TESK2: variants seen among roughly 807,000 people sequenced by gnomAD.
The protein encoded by TESK2 is testis associated actin remodelling kinase 2, also known as dual specificity testis-specific protein kinase 2.
In TESK2, 39 loss-of-function variants were observed where a neutral mutation model predicts 57.1. The ratio of observed to expected loss-of-function variants is 0.68; its 90% CI spans 0.53 to 0.89. The LOEUF (loss-of-function observed/expected upper bound fraction) is 0.89. Among genes scored for constraint, TESK2 ranks in the 40% least tolerant of loss-of-function variants. TESK2 has a pLI of 0.00. For missense variants in TESK2, 646 were observed against 732.1 expected, an observed-to-expected ratio of 0.88 and a Z score of 1.36; for synonymous variants, 249 against 267.9, an observed-to-expected ratio of 0.93 and a Z score of 0.69.
chr1:45,418,147 T>C (rs1375368628), intron 3 of TESK2, among the ~76,000 whole-genome samples: 1 of 152,236 alleles, frequency 6.6e-6, no homozygotes, highest in Non-Finnish European at 1.5e-5. Flanking sequence ...TTATTTTCTT[T>C]TTCTTACTAA....
chr1:45,388,075 T>C (rs1033707415), intron 3 of TESK2, among the ~76,000 whole-genome samples: 4 of 152,208 alleles, frequency 2.6e-5, no homozygotes, highest in African/African-American at 9.6e-5. Context: ...TTTCTCTAAA[T>C]GTTCATACAA....
chr1:45,452,173 C>A lies in TESK2; in HGVS notation c.222+5391G>T, dbSNP rs373301520. Among the ~76,000 whole-genome samples, 11 of 151,960 alleles carry A rather than the reference C, an allele frequency of 7.2e-5. No homozygotes were observed. The East Asian group carries it at 2.1e-3, about 29-fold the overall frequency. ...AATTAAGTCTTAGTTAAAACTCAGG[C>A]TGCACAAAATTCTTCAGTTACTTCC... On this transcript the variant is annotated intron_variant, in intron 2 of 10. Coordinates refer to ENST00000372086, the MANE Select transcript of TESK2 (RefSeq NM_007170.3).
chr1:45,429,289 G>A (rs1650850242), intron 2 of TESK2, among the ~76,000 whole-genome samples: 1 of 152,064 alleles, frequency 6.6e-6, no homozygotes, highest in African/African-American at 2.4e-5. Context: ...CCAGCTACCT[G>A]GGAGGCTGAG....
chr1:45,488,107 T>C, intron 1 of TESK2, among the ~76,000 whole-genome samples: 1 of 151,838 alleles, frequency 6.6e-6, no homozygotes, highest in Non-Finnish European at 1.5e-5. Context: ...AGAGACGAGG[T>C]CTCACAATGT....
At position 45,457,757 on chromosome 1, in the gene TESK2, G is replaced by C; in HGVS notation, c.29C>G (p.Ala10Gly). The C allele has an allele frequency of 6.2e-7, 1 of 1,614,028 alleles. No individual in the cohort carries two copies. The highest frequency in any genetic ancestry group is 8.5e-7 in the Non-Finnish European group (1 of 1,179,978). Residue 10 changes from alanine (A) to glycine (G), a missense_variant, in exon 2 of 11, where the codon GCA becomes GGA. Physicochemically the swap from Ala to Gly is moderately conservative, Grantham distance 60 (BLOSUM62 0). Coordinates refer to ENST00000372086, the MANE Select transcript of TESK2 (RefSeq NM_007170.3). MDRSKRNSI[A>G]GFPPRVERLE... is the part of the protein sequence containing the mutation. ...ACGCTCCACACGTGGAGGAAATCCT[G>C]CAATTGAATTCCGTTTGCTCCGATC... is the stretch of plus-strand genomic sequence containing the variant.
intron 3 of TESK2, chr1:45,398,982 T>TG (rs1553149519): frequency 2.7e-5 from 2 of 74,218 alleles, no homozygotes; most frequent in African/African-American, 1.1e-4. Flanking sequence ...GACTAGGACC[T>TG]GAAAAAAAAA....
intron 3 of TESK2, chr1:45,415,277 G>A: frequency 7.3e-7 from 1 of 1,362,646 alleles, no homozygotes; most frequent in Non-Finnish European, 1.0e-6. Flanking sequence ...GAGGCCATGG[G>A]GCACTTTGGG....
At chr1:45,370,413 C>A (rs1648125372) in intron 4 of TESK2, among the ~76,000 whole-genome samples, 1 of 152,154 alleles carries the variant, frequency 6.6e-6, no homozygotes, top group South Asian at 2.1e-4. Context: ...ATATGATAAG[C>A]AGCTACCATT....
In TESK2 at chr1:45,351,055, C is replaced by A. The variant is rs987441519; in HGVS notation, c.541-3055G>T. 2.6e-5 allele frequency among the ~76,000 whole-genome samples: 4 copies of A among 152,318 alleles called. No homozygotes were observed. The South Asian group carries it at 8.3e-4, about 32-fold the overall frequency. ...GTGGCTTCTATGCAGTCAACAATAACAACAGAAAAGAACTAAGAACTAAAG... is the reference window on the plus strand; with the variant it reads ...GTGGCTTCTATGCAGTCAACAATAAAAACAGAAAAGAACTAAGAACTAAAG... On this transcript the variant is annotated intron_variant, in intron 5 of 10. Transcript: ENST00000372086.
At chr1:45,356,382 C>T (rs1451209229) in intron 4 of TESK2, among the ~76,000 whole-genome samples, 1 of 151,834 alleles carries the variant, frequency 6.6e-6, no homozygotes, top group Non-Finnish European at 1.5e-5. Flanking sequence ...GCCTGTAATC[C>T]TAGAACTTTG....
intron 2 of TESK2, among the ~76,000 whole-genome samples, chr1:45,449,633 A>C (rs1373739062): frequency 6.6e-6 from 1 of 152,184 alleles, no homozygotes; most frequent in Non-Finnish European, 1.5e-5. Context: ...CTACATTATT[A>C]TATCCAGGTG....
At chr1:45,390,177 T>A (rs1251704780) in intron 3 of TESK2, among the ~76,000 whole-genome samples, 2 of 152,146 alleles carry the variant, frequency 1.3e-5, no homozygotes, top group Non-Finnish European at 2.9e-5. Flanking sequence ...ACACCTGGAA[T>A]CCTGGCACTT....
intron 4 of TESK2, among the ~76,000 whole-genome samples, chr1:45,383,750 A>G (rs758435548): frequency 1.1e-4 from 16 of 152,226 alleles, no homozygotes; most frequent in Non-Finnish European, 2.2e-4. Context: ...TGTTAGCGTC[A>G]GAACTCTGGT....
At chr1:45,362,967 T>C (rs1400173969) in intron 4 of TESK2, among the ~76,000 whole-genome samples, 2 of 151,972 alleles carry the variant, frequency 1.3e-5, no homozygotes, top group Admixed American at 6.6e-5. Flanking sequence ...AAAAATTGTA[T>C]GAAAAGGTCA....
intron 3 of TESK2, among the ~76,000 whole-genome samples, chr1:45,395,448 A>G (rs1181799274): frequency 6.6e-6 from 1 of 152,116 alleles, no homozygotes; most frequent in East Asian, 1.9e-4. Flanking sequence ...ATCTCATGGA[A>G]CCACCATCAT....
chr1:45,412,819 G>A (rs2149284035), intron 3 of TESK2, among the ~76,000 whole-genome samples: 1 of 152,296 alleles, frequency 6.6e-6, no homozygotes, highest in South Asian at 2.1e-4. Flanking sequence ...AGGAGTTCGA[G>A]ACCAGCCTGG....
chr1:45,387,740 T>C (rs1648960458), intron 3 of TESK2, among the ~76,000 whole-genome samples: 1 of 152,130 alleles, frequency 6.6e-6, no homozygotes, highest in South Asian at 2.1e-4. Flanking sequence ...ACATTTCAAC[T>C]AATGTGGAAA....
intron 4 of TESK2, among the ~76,000 whole-genome samples, chr1:45,363,693 G>A (rs1427842315): frequency 6.6e-6 from 1 of 151,914 alleles, no homozygotes; most frequent in Non-Finnish European, 1.5e-5. Flanking sequence ...GGAACACAAA[G>A]ATAACAAAGC....
At chr1:45,359,419 G>A (rs1409269879) in intron 4 of TESK2, among the ~76,000 whole-genome samples, 1 of 152,024 alleles carries the variant, frequency 6.6e-6, no homozygotes, top group East Asian at 1.9e-4. Context: ...AATTAGCCGG[G>A]CATGGTGGTG....
Sources: gnomAD v4.1 joint callset for allele counts (sites outside exome capture counted in the v4.1 genomes callset) on GRCh38, gnomAD v4.1.1 for gene constraint, MANE v1.5 for transcripts, NCBI Gene and HGNC (gene_info 2026-07-23, HGNC 2026-07-21) for gene names.